The following FNBP1 variants were observed in gnomAD, a reference collection of about 807,000 sequenced individuals.
FNBP1 encodes formin binding protein 1.
Under a neutral mutation model 90.6 loss-of-function variants are expected in FNBP1, and 26 were observed. The observed-to-expected ratio is 0.29, with a 90% confidence interval of 0.21 to 0.40. FNBP1 has a LOEUF of 0.40. Among genes scored for constraint, FNBP1 ranks in the 10% least tolerant of loss-of-function variants. The pLI, the probability that FNBP1 is intolerant of heterozygous loss-of-function variation, is 1.00. For synonymous variants in FNBP1, 260 were observed against 265.2 expected, an observed-to-expected ratio of 0.98 and a Z score of 0.19; for missense variants, 635 against 768.0, an observed-to-expected ratio of 0.83 and a Z score of 2.05.
intron 1 of FNBP1, among the ~76,000 whole-genome samples, chr9:130,014,202 A>G (rs1316135003): frequency 1.3e-5 from 2 of 152,022 alleles, no homozygotes; most frequent in Admixed American, 6.6e-5. Context: ...GGGAGGGGCC[A>G]GCAGGAGATT....
At chr9:130,022,251 C>T (rs1454931524) in intron 1 of FNBP1, among the ~76,000 whole-genome samples, 4 of 151,814 alleles carry the variant, frequency 2.6e-5, no homozygotes, top group African/African-American at 7.3e-5. Flanking sequence ...TATCACCAGG[C>T]TGGAGTGTAG....
chr9:129,987,341 C>A (rs1000360446), intron 2 of FNBP1, among the ~76,000 whole-genome samples: 1 of 151,854 alleles, frequency 6.6e-6, no homozygotes, highest in African/African-American at 2.4e-5. Context: ...TATAGAACCA[C>A]GACAAATCAA....
At chr9:129,916,718 C>T (rs988839763) in intron 10 of FNBP1, among the ~76,000 whole-genome samples, 1 of 152,050 alleles carries the variant, frequency 6.6e-6, no homozygotes, top group African/African-American at 2.4e-5. Flanking sequence ...GTCTGAACAC[C>T]AATTACTTCC....
intron 11 of FNBP1, among the ~76,000 whole-genome samples, chr9:129,915,538 G>T (rs780827725): frequency 5.9e-5 from 9 of 152,062 alleles, no homozygotes; most frequent in Middle Eastern, 3.4e-3. Context: ...TAATTTTTTG[G>T]TTTTTTGTAG....
upstream of FNBP1, among the ~76,000 whole-genome samples, chr9:130,044,001 C>T (rs371452047): frequency 1.5e-3 from 230 of 152,330 alleles, 6 homozygotes; most frequent in South Asian, 0.045. Flanking sequence ...TCTCACTGCC[C>T]GGCGGTGAGG....
At chr9:129,935,410 AT>A (rs2043276151) in intron 6 of FNBP1, among the ~76,000 whole-genome samples, 2 of 152,122 alleles carry the variant, frequency 1.3e-5, no homozygotes, top group Admixed American at 1.3e-4. Context: ...AAACTTGCTC[AT>A]TTCACATGAG....
chr9:130,032,896 T>C (rs983592248), intron 1 of FNBP1, among the ~76,000 whole-genome samples: 2 of 152,112 alleles, frequency 1.3e-5, no homozygotes, highest in African/African-American at 2.4e-5. Context: ...AAGATAAACA[T>C]GCTATTAATA....
chr9:129,917,258 C>T (rs916585629), intron 10 of FNBP1, among the ~76,000 whole-genome samples: 21 of 151,820 alleles, frequency 1.4e-4, no homozygotes, highest in African/African-American at 4.1e-4. Flanking sequence ...GTGATCCGCC[C>T]GCCTCCCAAA....
At chr9:129,912,649 C>G (rs1236719446) in intron 11 of FNBP1, among the ~76,000 whole-genome samples, 1 of 143,810 alleles carries the variant, frequency 7.0e-6, no homozygotes, top group African/African-American at 2.6e-5. Flanking sequence ...GATTGCGCTA[C>G]TGCGCACTCC....
intron 2 of FNBP1, among the ~76,000 whole-genome samples, chr9:129,990,078 T>A (rs2052887688): frequency 6.6e-6 from 1 of 151,682 alleles, no homozygotes; most frequent in African/African-American, 2.4e-5. Context: ...GCTAGAAGAG[T>A]AGATTTTAAT....
chr9:130,021,983 T>C (rs1025788051), intron 1 of FNBP1, among the ~76,000 whole-genome samples: 5 of 152,084 alleles, frequency 3.3e-5, no homozygotes, highest in African/African-American at 1.2e-4. Flanking sequence ...CACCTAAGCC[T>C]CCCAAGTAGC....
At chr9:129,994,081 C>A (rs1350062029) in intron 2 of FNBP1, among the ~76,000 whole-genome samples, 1 of 152,106 alleles carries the variant, frequency 6.6e-6, no homozygotes, top group Non-Finnish European at 1.5e-5. Context: ...TACGTAGATC[C>A]TAGGAAATGT....
rs137975617 is a variant in FNBP1, at chr9:129,946,488, G to A, written c.513+10872C>T. Among the ~76,000 whole-genome samples, 185 of 152,204 alleles carry A rather than the reference G, an allele frequency of 1.2e-3. 1 individual carries two copies. The highest frequency in any genetic ancestry group is 4.1e-3 in the African/African-American group (170 of 41,534). On this transcript the variant is annotated intron_variant, in intron 6 of 16. Coordinates refer to ENST00000446176, the MANE Select transcript of FNBP1 (RefSeq NM_015033.3). ...TTAGTCAGAAATAAGGAAACCTCTC[G>A]CACTGTATAGAGAGCTCTTCTGGCC... is the stretch of plus-strand genomic sequence containing the variant.
At chr9:130,012,656 T>C (rs1226245702) in intron 1 of FNBP1, among the ~76,000 whole-genome samples, 1 of 152,162 alleles carries the variant, frequency 6.6e-6, no homozygotes, top group Non-Finnish European at 1.5e-5. Flanking sequence ...TGTTTTTTAA[T>C]TGAGATGGAG....
chr9:129,929,483 C>T, intron 7 of FNBP1, 84 bp downstream of exon 7: 1 of 1,214,886 alleles, frequency 8.2e-7, no homozygotes, highest in South Asian at 1.4e-5. Context: ...AGAATACAAA[C>T]CCAGCAATCA....
rs750439648 is a variant in FNBP1, at chr9:129,958,537, C to T, written c.362G>A (p.Arg121His). The T allele has an allele frequency of 2.4e-5, 38 of 1,595,906 alleles. No homozygotes were observed. The highest frequency in any genetic ancestry group is 2.7e-5 in the Non-Finnish European group (32 of 1,170,336). ...QERKSNFHDG[R>H]KAQQHIETCW... ...AGTCTCGATGTGCTGCTGTGCTTTA[C>T]GGCCATCGTGAAAGTTCTGCAAAGG... The change falls in exon 5 of 17, where the codon CGT becomes CAT. Residue 121 changes from arginine to histidine, a missense_variant. Coordinates refer to ENST00000446176, the MANE Select transcript of FNBP1 (RefSeq NM_015033.3).
Position 129,966,824 on chromosome 9 carries a change from G to C in FNBP1, c.346-8271C>G, listed in dbSNP as rs940444466. 2.6e-5 allele frequency among the ~76,000 whole-genome samples: 4 copies of C among 152,210 alleles called. No individual in the cohort carries two copies. Among genetic ancestry groups the C allele is most frequent in the African/African-American group, 9.6e-5 (4 of 41,454 alleles). On this transcript the variant is annotated intron_variant, in intron 4 of 16. Transcript: ENST00000446176. The surrounding 1 kb of genome is among the most constrained non-coding windows in gnomAD (Gnocchi z 4.3). Reference sequence around the variant, plus strand: ...TTCAATGTCAAGCTGGCTGCTGCAGGGGGAGGCTGTTACACTTGCACTCTC... The same window carrying C: ...TTCAATGTCAAGCTGGCTGCTGCAGCGGGAGGCTGTTACACTTGCACTCTC...
At chr9:129,982,152 T>G (rs548132069) in intron 2 of FNBP1, among the ~76,000 whole-genome samples, 24 of 152,340 alleles carry the variant, frequency 1.6e-4, no homozygotes, top group African/African-American at 5.8e-4. Context: ...TCACAATCAC[T>G]TCTTAAAAAC....
intron 4 of FNBP1, among the ~76,000 whole-genome samples, chr9:129,964,507 A>G (rs1482760051): frequency 6.6e-6 from 1 of 152,142 alleles, no homozygotes; most frequent in African/African-American, 2.4e-5. Context: ...ACTTATTTCA[A>G]CTTTTTAGTT....
Sources: allele counts gnomAD v4.1 joint callset (sites outside exome capture counted in the v4.1 genomes callset), GRCh38; gene constraint gnomAD v4.1.1; non-coding constraint Gnocchi (gnomAD v3.1); transcripts MANE v1.5; gene names NCBI Gene and HGNC (gene_info 2026-07-23, HGNC 2026-07-21).